RHOQ: variants seen among roughly 807,000 people sequenced by gnomAD.
The protein encoded by RHOQ is ras homolog family member Q, also known as rho-related GTP-binding protein RhoQ.
A neutral mutation model predicts 25.8 loss-of-function variants in RHOQ; 7 were observed. The ratio of observed to expected loss-of-function variants is 0.27; its 90% CI spans 0.15 to 0.51. The LOEUF is 0.51. Ranked by LOEUF, RHOQ falls within the 20% of genes least tolerant of loss-of-function variation. RHOQ has a pLI of 0.97. For missense variants in RHOQ, 165 were observed against 260.6 expected (o/e 0.63, Z 2.53); for synonymous variants, 97 against 98.6 (o/e 0.98, Z 0.10).
At chr2:46,570,980 C>A (rs896159896) in intron 2 of RHOQ, among the ~76,000 whole-genome samples, 1 of 152,162 alleles carries the variant, frequency 6.6e-6, no homozygotes, top group Admixed American at 6.5e-5. Flanking sequence ...ACTTTATGGT[C>A]TTCAAAGCAT....
chr2:46,544,062 G>A lies in RHOQ; in HGVS notation c.201+250G>A, dbSNP rs115694787. 4.1e-3 allele frequency among the ~76,000 whole-genome samples: 624 copies of A among 152,258 alleles called. 3 individuals carry two copies. Among genetic ancestry groups the A allele is most frequent in the African/African-American group, 0.014 (588 of 41,538 alleles). On this transcript the variant is annotated intron_variant, in intron 2 of 4. Transcript: ENST00000238738. ...TTTTTGCCTGTGTGGGTCGTTCTGT[G>A]TGGCGCCTGGTGTGTGGGTCCCAAC...
In RHOQ at chr2:46,548,831, C is replaced by T. The variant is rs893699875; in HGVS notation, c.201+5019C>T. Among the ~76,000 whole-genome samples, 1 of 152,210 alleles carries T rather than the reference C, an allele frequency of 6.6e-6. No homozygotes were observed. The highest frequency in any genetic ancestry group is 2.4e-5 in the African/African-American group (1 of 41,442). ...TATCTCTAGCCCACACCGCATCACA[C>T]GGGAATGCTGGTTTCCTCCTCTGCG... is the stretch of plus-strand genomic sequence containing the variant. On this transcript the variant is annotated intron_variant, in intron 2 of 4. Coordinates refer to ENST00000238738, the MANE Select transcript of RHOQ (RefSeq NM_012249.4). This position sits in a 1 kb window ranked among gnomAD's most constrained non-coding sequence, Gnocchi z 5.2.
At chr2:46,550,829 G>C (rs550219239) in intron 2 of RHOQ, among the ~76,000 whole-genome samples, 2 of 152,150 alleles carry the variant, frequency 1.3e-5, no homozygotes, top group South Asian at 2.1e-4. Context: ...GGCTCAGTTC[G>C]GTTGGTGTTG....
At chr2:46,572,075 G>A (rs769687349) in intron 2 of RHOQ, among the ~76,000 whole-genome samples, 258 of 102,930 alleles carry the variant, frequency 2.5e-3, no homozygotes, top group Admixed American at 5.8e-3. Flanking sequence ...TTAGTTTTTT[G>A]TTTGCAGATT....
intron 2 of RHOQ, among the ~76,000 whole-genome samples, chr2:46,549,406 G>A (rs922500423): frequency 6.6e-6 from 1 of 152,116 alleles, no homozygotes; most frequent in Non-Finnish European, 1.5e-5. Context: ...CAAGAGATTA[G>A]ATCTAATGGT....
intron 2 of RHOQ, among the ~76,000 whole-genome samples, chr2:46,545,834 C>G (rs1235957490): frequency 6.6e-6 from 1 of 152,154 alleles, no homozygotes; most frequent in African/African-American, 2.4e-5. Context: ...GAACTTAGAT[C>G]CAGAGTCACT....
At chr2:46,546,531 T>TAC (rs1220489874) in intron 2 of RHOQ, among the ~76,000 whole-genome samples, 11 of 93,844 alleles carry the variant, frequency 1.2e-4, no homozygotes, top group South Asian at 4.1e-4. Context: ...TATATATATA[T>TAC]ACACAAATCC....
At position 46,555,272 on chromosome 2, in the gene RHOQ, A is replaced by G. The variant is rs1181261410; in HGVS notation, c.201+11460A>G. 6.6e-6 allele frequency among the ~76,000 whole-genome samples: 1 copy of G among 152,110 alleles called. No homozygotes were observed. The highest frequency in any genetic ancestry group is 2.4e-5 in the African/African-American group (1 of 41,420). ...ACTAAGTGAATTGTCTCCAGGCTGC[A>G]CTCTAGCATTTGGTTTTATTCATGT... On this transcript the variant is annotated intron_variant, in intron 2 of 4. Coordinates refer to ENST00000238738, the MANE Select transcript of RHOQ (RefSeq NM_012249.4). This position sits in a 1 kb window ranked among gnomAD's most constrained non-coding sequence, Gnocchi z 4.3.
Position 46,542,590 on chromosome 2 carries a change from C to A in RHOQ, c.-457C>A, listed in dbSNP as rs966902493. ...AGCAGGCGGGGGCGCGTGGCGCGGG[C>A]CGCGCTCGGGGAGGCGCCTGGGCCC... On this transcript the variant is annotated 5_prime_UTR_variant, in exon 1 of 5. Coordinates refer to ENST00000238738, the MANE Select transcript of RHOQ (RefSeq NM_012249.4). 9 of 146,814 alleles carry A rather than the reference C, an allele frequency of 6.1e-5. No homozygotes were observed. Among genetic ancestry groups the A allele is most frequent in the African/African-American group, 2.2e-4 (9 of 40,920 alleles). 9.1% of individuals were successfully genotyped at this position (146,814 alleles called of 1,614,324 possible).
chr2:46,577,565 ATTT>A (rs908178158), intron 4 of RHOQ, among the ~76,000 whole-genome samples: 2 of 64,946 alleles, frequency 3.1e-5, no homozygotes, highest in African/African-American at 1.2e-4. Context: ...ACACCCGGCT[ATTT>A]TTTTTTTTTT....
intron 2 of RHOQ, chr2:46,568,392 A>G (rs1237009781): frequency 1.3e-5 from 2 of 152,204 alleles, no homozygotes; most frequent in African/African-American, 2.4e-5. Context: ...AGACACAGGA[A>G]GCTCATCATC....
rs1402331563 is a variant in RHOQ at position 46,566,578 on chromosome 2, C to G, written c.202-9509C>G. Among the ~76,000 whole-genome samples the G allele has an allele frequency of 6.6e-6, 1 of 152,180 alleles. No homozygotes were observed. The highest frequency in any genetic ancestry group is 1.5e-5 in the Non-Finnish European group (1 of 68,036). On this transcript the variant is annotated intron_variant, in intron 2 of 4. Transcript: ENST00000238738. The surrounding 1 kb of genome is among the most constrained non-coding windows in gnomAD (Gnocchi z 4.2). ...GCCTGACTGCCTAATTCATTCTTCT[C>G]AAAGTAGCCTGGATTATCGTTTTCA...
Position 46,576,505 on chromosome 2 carries a change from G to A in RHOQ, c.367-56G>A. ...GGAATTAAGTGGGATTACATGCTTT[G>A]ATTTTTCTTTAAAGATTTGTAATAT... On this transcript the variant is annotated intron_variant, in intron 3 of 4. Transcript: ENST00000238738. This position sits in a 1 kb window ranked among gnomAD's most constrained non-coding sequence, Gnocchi z 5.1. 1 of 1,145,332 alleles carries A rather than the reference G, an allele frequency of 8.7e-7. No homozygotes were observed. Among genetic ancestry groups the A allele is most frequent in the Non-Finnish European group, 1.3e-6 (1 of 791,220 alleles). 70.9% of individuals were successfully genotyped at this position (1,145,332 alleles called of 1,614,324 possible).
chr2:46,572,808 T>A (rs1668977927), intron 2 of RHOQ: 1 of 442,260 alleles, frequency 2.3e-6, no homozygotes, highest in Non-Finnish European at 4.5e-6. Flanking sequence ...TGCTCTACAT[T>A]TGACTTCTTT....
At chr2:46,571,078 G>GT (rs2104019167) in intron 2 of RHOQ, among the ~76,000 whole-genome samples, 2 of 152,324 alleles carry the variant, frequency 1.3e-5, no homozygotes, top group East Asian at 3.8e-4. Context: ...TTCCTAGCAT[G>GT]TTGGATACGT....
intron 2 of RHOQ, among the ~76,000 whole-genome samples, chr2:46,571,921 A>G (rs1326921359): frequency 1.3e-5 from 2 of 152,076 alleles, no homozygotes; most frequent in African/African-American, 4.8e-5. Flanking sequence ...GTCCACATGA[A>G]GGGGACAAAG....
intron 2 of RHOQ, among the ~76,000 whole-genome samples, chr2:46,563,047 A>C (rs1199977456): frequency 6.6e-6 from 1 of 152,222 alleles, no homozygotes; most frequent in African/African-American, 2.4e-5. Context: ...AGGAGGCTCC[A>C]TTAGTAGTCC....
At chr2:46,572,580 C>G in intron 2 of RHOQ, 1 of 307,680 alleles carries the variant, frequency 3.3e-6, no homozygotes, top group South Asian at 2.8e-5. Flanking sequence ...GCTGACTAAA[C>G]TCACCAGTTC....
chr2:46,551,342 C>T (rs528787365), intron 2 of RHOQ, among the ~76,000 whole-genome samples: 1 of 152,332 alleles, frequency 6.6e-6, no homozygotes, highest in South Asian at 2.1e-4. Flanking sequence ...GTGCTGAACA[C>T]ATCATCTCAT....
Sources: allele counts gnomAD v4.1 joint callset (sites outside exome capture counted in the v4.1 genomes callset), GRCh38; gene constraint gnomAD v4.1.1; non-coding constraint Gnocchi (gnomAD v3.1); transcripts MANE v1.5; gene names NCBI Gene and HGNC (gene_info 2026-07-23, HGNC 2026-07-21).